Variants in GMFG observed in about 807,000 individuals in gnomAD.
GMFG encodes glia maturation factor gamma.
GMFG carries 21 observed loss-of-function variants against 26.1 expected under a neutral mutation model. That is an observed-to-expected ratio of 0.80 (90% CI 0.57 to 1.16). The LOEUF is 1.16. Ranked by LOEUF, GMFG falls within the 50% of genes most tolerant of loss-of-function variation. The probability of loss-of-function intolerance (pLI) is 0.00; values close to 1 mark genes in which losing one functional copy is unlikely to be tolerated. For missense variants in GMFG, 161 were observed against 178.3 expected (o/e 0.90, Z 0.55); for synonymous variants, 65 against 60.8 (o/e 1.07, Z -0.32).
At chr19:39,332,940 T>A (rs1329680610) in intron 4 of GMFG, 137 bp downstream of exon 4, 3 of 537,248 alleles carry the variant, frequency 5.6e-6, no homozygotes, top group Non-Finnish European at 1.0e-5. Context: ...ATTACAGGGA[T>A]GAGCCACCTC....
At chr19:39,333,999 T>G (rs1441149520) in intron 3 of GMFG, among the ~76,000 whole-genome samples, 2 of 150,888 alleles carry the variant, frequency 1.3e-5, no homozygotes, top group African/African-American at 4.9e-5. Flanking sequence ...CCCTTTTTTT[T>G]TTTTGTAGAG....
At chr19:39,334,524 TC>T (rs986624109) in intron 3 of GMFG, among the ~76,000 whole-genome samples, 3 of 152,288 alleles carry the variant, frequency 2.0e-5, no homozygotes, top group Admixed American at 6.5e-5. Flanking sequence ...TGCCTCAGCC[TC>T]CCAAAGCGCT....
intron 4 of GMFG, 143 bp downstream of exon 4, chr19:39,332,934 C>G: frequency 2.1e-6 from 1 of 485,074 alleles, no homozygotes; most frequent in Non-Finnish European, 3.9e-6. Context: ...GCTGGGATTA[C>G]AGGGATGAGC....
Position 39,328,558 on chromosome 19 carries a change from G to A in GMFG, c.358-10C>T, listed in dbSNP as rs369865986. The A allele has an allele frequency of 5.6e-6, 9 of 1,603,322 alleles. No individual in the cohort carries two copies. The highest frequency in any genetic ancestry group is 6.0e-6 in the Non-Finnish European group (7 of 1,170,554). ...TGCGGATTTCGAACACCTGGGCAGA[G>A]AGAGGTCTCGGCATTATGATCTACT... On this transcript the variant is annotated splice_polypyrimidine_tract_variant and intron_variant, in intron 6 of 6. Coordinates refer to ENST00000597595, the MANE Select transcript of GMFG (RefSeq NM_004877.4).
At chr19:39,335,682 G>A (rs1365707983) in intron 1 of GMFG, 151 bp from the exon 2 acceptor site, 7 of 669,228 alleles carry the variant, frequency 1.0e-5, no homozygotes, top group Non-Finnish European at 1.3e-5. Flanking sequence ...CCTTCCCACA[G>A]AGTAGATACC....
intron 2 of GMFG, 36 bp from the exon 3 acceptor site, chr19:39,335,346 C>T: frequency 6.3e-7 from 1 of 1,598,906 alleles, no homozygotes; most frequent in Non-Finnish European, 8.6e-7. Context: ...TAGACACTCC[C>T]CCTGATCCAT....
At position 39,329,622 on chromosome 19, in the gene GMFG, C is replaced by A; in HGVS notation, c.205G>T (p.Val69Leu). Reference sequence around the variant, plus strand: ...TGCACGTACTTGTAGCTGTAAACCACGAACCTACCGTGAAAGGGAATTGAA... The same window carrying A: ...TGCACGTACTTGTAGCTGTAAACCAAGAACCTACCGTGAAAGGGAATTGAA... ...MELPERQPRF[V>L]VYSYKYVHDD... The change falls in exon 5 of 7, where the codon GTG (valine) becomes TTG (leucine). Residue 69 changes from valine (V) to leucine (L), a missense_variant. Val to Leu is a conservative substitution (Grantham distance 32, BLOSUM62 1). Transcript: ENST00000597595. The A allele has an allele frequency of 6.3e-7, 1 of 1,599,836 alleles. No individual in the cohort carries two copies. The highest frequency in any genetic ancestry group is 8.6e-7 in the Non-Finnish European group (1 of 1,167,174).
At chr19:39,328,729 A>G in intron 6 of GMFG, 181 bp from the exon 7 acceptor site, 2 of 611,100 alleles carry the variant, frequency 3.3e-6, no homozygotes, top group Non-Finnish European at 2.9e-6. Flanking sequence ...AAATACAAAA[A>G]GTAGCCAGGT....
In GMFG at chr19:39,333,581, CAAA is replaced by C. The variant is rs750367671; in HGVS notation, c.151-458_151-456del. 4.4e-4 allele frequency among the ~76,000 whole-genome samples: 21 copies of C among 47,344 alleles called. No individual in the cohort carries two copies. In the East Asian group the frequency reaches 0.01, roughly 23 times the overall value. The allele number at this position is 47,344 out of a possible 152,430, so 31.1% of individuals were successfully genotyped here. A position where few individuals can be genotyped will look rare whatever the true frequency, so the allele number is the denominator to read the frequency against. ...AGCAAAAAAGATCGAAACTCCGTCT[CAAA>C]AAAAAAAAAAAAAAAAAGAATGACC... On this transcript the variant is annotated intron_variant, in intron 3 of 6. Transcript: ENST00000597595.
intron 3 of GMFG, among the ~76,000 whole-genome samples, chr19:39,334,448 A>G (rs1414113878): frequency 1.3e-5 from 2 of 151,596 alleles, no homozygotes; most frequent in African/African-American, 4.9e-5. Context: ...TTGTATTTTT[A>G]GTAGAGTTAG....
rs747706667 is a variant in GMFG at position 39,333,087 on chromosome 19, TC to T, written c.189del (p.Arg64AspfsTer39). 6.2e-7 allele frequency: 1 copy of T among 1,600,650 alleles called. No individual in the cohort carries two copies. The highest frequency in any genetic ancestry group is 8.5e-7 in the Non-Finnish European group (1 of 1,170,606). The stretch of plus-strand genomic sequence containing the variant: ...CTTCCCCCAGGATACCTGGGCTGTC[TC>T]TCCGGCAACTCCATTTTGAGCTCCT... ...SPEELKMELP[E>X]RQPRFVVYSY... is the part of the protein sequence containing the mutation. On this transcript the variant is annotated frameshift_variant, in exon 4 of 7. Transcript: ENST00000597595. LOFTEE classifies it high-confidence loss of function.
chr19:39,328,552 G>T lies in GMFG; in HGVS notation c.358-4C>A. 6.2e-7 allele frequency: 1 copy of T among 1,605,776 alleles called. No homozygotes were observed. The highest frequency in any genetic ancestry group is 8.5e-7 in the Non-Finnish European group (1 of 1,172,672). On this transcript the variant is annotated splice_polypyrimidine_tract_variant and splice_region_variant and intron_variant, in intron 6 of 6. Coordinates refer to ENST00000597595, the MANE Select transcript of GMFG (RefSeq NM_004877.4). ...CAGTGGTGCGGATTTCGAACACCTG[G>T]GCAGAGAGAGGTCTCGGCATTATGA...
chr19:39,335,216 A>T (rs770098630), intron 3 of GMFG, 45 bp downstream of exon 3: 3 of 1,447,242 alleles, frequency 2.1e-6, no homozygotes, highest in Non-Finnish European at 2.8e-6. Flanking sequence ...TGGTTCTCCC[A>T]GTCTCACCCT....
rs532029774 is a variant in GMFG at position 39,334,423 on chromosome 19, G to A, written c.150+838C>T. Among the ~76,000 whole-genome samples the A allele has an allele frequency of 9.3e-4, 142 of 151,876 alleles. 1 individual carries two copies. The highest frequency in any genetic ancestry group is 3.3e-3 in the African/African-American group (138 of 41,394). ...GCTGAGATCACAGGTGCACACCACT[G>A]TGCTTGGCTAATTTTTGTATTTTTA... is the stretch of plus-strand genomic sequence containing the variant. On this transcript the variant is annotated intron_variant, in intron 3 of 6. Transcript: ENST00000597595.
chr19:39,332,789 G>C, intron 4 of GMFG: 1 of 260,144 alleles, frequency 3.8e-6, no homozygotes, highest in Non-Finnish European at 7.4e-6. Flanking sequence ...CTCCCAAGTA[G>C]CTGGGATTAC....
intron 4 of GMFG, among the ~76,000 whole-genome samples, chr19:39,332,272 G>A (rs959720492): frequency 1.3e-5 from 2 of 151,286 alleles, no homozygotes; most frequent in African/African-American, 4.9e-5. Flanking sequence ...GGAGGTTGCA[G>A]TGAGTCAAGA....
In GMFG at chr19:39,336,016, C is replaced by T. The variant is rs369440333; in HGVS notation, c.-40G>A. On this transcript the variant is annotated 5_prime_UTR_variant, in exon 1 of 7. Transcript: ENST00000597595. Reference sequence around the variant, plus strand: ...CAGGCCTCTTCTTTTCTTAGTTCCGCTGTCTTCTAGGCGTGGGGACCGGGG... The same window carrying T: ...CAGGCCTCTTCTTTTCTTAGTTCCGTTGTCTTCTAGGCGTGGGGACCGGGG... The T allele has an allele frequency of 5.0e-6, 8 of 1,591,168 alleles. No homozygotes were observed. The African/African-American group carries it at 9.4e-5, about 19-fold the overall frequency.
intron 3 of GMFG, 124 bp from the exon 4 acceptor site, chr19:39,333,250 A>G (rs1279683129): frequency 4.3e-6 from 2 of 469,890 alleles, no homozygotes; most frequent in Non-Finnish European, 7.8e-6. Flanking sequence ...CATTCAGACC[A>G]TCCTGGCTAA....
intron 4 of GMFG, among the ~76,000 whole-genome samples, chr19:39,331,567 A>G (rs2075226416): frequency 6.6e-6 from 1 of 152,148 alleles, no homozygotes; most frequent in Admixed American, 6.5e-5. Context: ...CAAAAAAAGC[A>G]CCAGGCTCAT....
Sources: allele counts gnomAD v4.1 joint callset (sites outside exome capture counted in the v4.1 genomes callset), GRCh38; gene constraint gnomAD v4.1.1; transcripts MANE v1.5; gene names NCBI Gene and HGNC (gene_info 2026-07-23, HGNC 2026-07-21).